VWF: variants seen among roughly 807,000 people sequenced by gnomAD.
VWF encodes the protein Factor VIII related antigen.
Under a neutral mutation model 308.6 loss-of-function variants are expected in VWF, and 176 were observed. The observed-to-expected ratio is 0.57, with a 90% CI of 0.50 to 0.65. VWF has a LOEUF of 0.65. VWF is among the 30% of genes least tolerant of loss of function. The pLI is 0.00. For missense variants in VWF, 3,146 were observed against 3,648.2 expected, an observed-to-expected ratio of 0.86 and a Z score of 3.55; for synonymous variants, 1,385 against 1,443.4, an observed-to-expected ratio of 0.96 and a Z score of 0.92.
chr12:6,115,461 C>A (rs989268972), intron 3 of VWF, among the ~76,000 whole-genome samples: 1 of 152,156 alleles, frequency 6.6e-6, no homozygotes, highest in Non-Finnish European at 1.5e-5. Context: ...AGTAAAAACA[C>A]AACTTTATGA....
Position 6,057,989 on chromosome 12 carries a change from T to G in VWF, c.1589A>C (p.Asn530Thr). 1.9e-6 allele frequency: 3 copies of G among 1,613,552 alleles called. No homozygotes were observed. Among genetic ancestry groups the G allele is most frequent in the Non-Finnish European group, 2.5e-6 (3 of 1,180,016 alleles). The change falls in exon 14 of 52, where the codon AAC becomes ACC. Residue 530 changes from asparagine (N) to threonine (T), a missense_variant. This residue lies in a region of VWF where 1,304 missense variants were observed against 1,353.0 expected (regional missense o/e 0.96). Transcript: ENST00000261405. The stretch of plus-strand genomic sequence containing the variant: ...GGGGGTAAGGAAGTCGTCGCCCTGG[T>G]TGCCATTGTAATTCCCACACAGGCC... ...TCGLCGNYNG[N>T]QGDDFLTPSG...
At chr12:5,981,673 T>A in intron 42 of VWF, 113 bp downstream of exon 42, 1 of 1,220,266 alleles carries the variant, frequency 8.2e-7, no homozygotes. Context: ...GCTTAGCAAA[T>A]ATTGGATGGG....
At chr12:6,107,293 G>A (rs1038866530) in intron 5 of VWF, among the ~76,000 whole-genome samples, 1 of 152,220 alleles carries the variant, frequency 6.6e-6, no homozygotes, top group Non-Finnish European at 1.5e-5. Flanking sequence ...AAGGAGCATG[G>A]TGATTTTGAG....
At chr12:5,965,382 T>C (rs575527608) in intron 47 of VWF, among the ~76,000 whole-genome samples, 1 of 152,312 alleles carries the variant, frequency 6.6e-6, no homozygotes, top group South Asian at 2.1e-4. Context: ...CCCCGGCTTC[T>C]GGCTGCCGGT....
At chr12:6,071,122 G>T (rs1944774894) in intron 10 of VWF, among the ~76,000 whole-genome samples, 175 bp downstream of exon 10, 1 of 152,106 alleles carries the variant, frequency 6.6e-6, no homozygotes, top group Admixed American at 6.5e-5. Flanking sequence ...CCTGTGAATG[G>T]GTTAGCATAG....
chr12:6,079,663 C>CTCG (rs1017613055), intron 6 of VWF, among the ~76,000 whole-genome samples: 9 of 151,890 alleles, frequency 5.9e-5, no homozygotes, highest in African/African-American at 1.9e-4. Flanking sequence ...TACTCTCAGG[C>CTCG]TCGTGGCAGA....
chr12:6,116,126 T>C lies in VWF; in HGVS notation c.220+5048A>G, dbSNP rs189442150. 9.7e-4 allele frequency among the ~76,000 whole-genome samples: 147 copies of C among 152,292 alleles called. No homozygotes were observed. The South Asian group carries it at 0.013, about 14-fold the overall frequency. Reference sequence around the variant, plus strand: ...AAAACGAGCCATTAGAAATCGCCGGTGAGCCCAGGAGAGACCCCTGCACTC... The same window carrying C: ...AAAACGAGCCATTAGAAATCGCCGGCGAGCCCAGGAGAGACCCCTGCACTC... On this transcript the variant is annotated intron_variant, in intron 3 of 51. Coordinates refer to ENST00000261405, the MANE Select transcript of VWF (RefSeq NM_000552.5).
chr12:5,983,476 G>GCTAGATAC lies in VWF; in HGVS notation c.6977-223_6977-222insGTATCTAG, dbSNP rs1943633502. Among the ~76,000 whole-genome samples the GCTAGATAC allele has an allele frequency of 4.1e-5, 3 of 73,372 alleles. No individual in the cohort carries two copies. In the South Asian group the frequency reaches 1.3e-3, roughly 31 times the overall value. 48.1% of individuals were successfully genotyped at this position (73,372 alleles called of 152,430 possible). ...ATGAGATAGATTTGATAGATAGATA[G>GCTAGATAC]ATACATACATACATACATACATACA... On this transcript the variant is annotated intron_variant, in intron 40 of 51. Coordinates refer to ENST00000261405, the MANE Select transcript of VWF (RefSeq NM_000552.5).
chr12:6,075,385 C>T lies in VWF; in HGVS notation c.824G>A (p.Cys275Tyr). The T allele has an allele frequency of 6.2e-7, 1 of 1,614,122 alleles. No homozygotes were observed. Among genetic ancestry groups the T allele is most frequent in the Non-Finnish European group, 8.5e-7 (1 of 1,180,020 alleles). Residue 275 changes from cysteine to tyrosine, a missense_variant, in exon 7 of 52, where the codon TGT becomes TAT. Around this residue, in one of 3 missense-constraint regions of VWF, gnomAD observed 1,304 missense variants for 1,353.0 expected, o/e 0.96. Coordinates refer to ENST00000261405, the MANE Select transcript of VWF (RefSeq NM_000552.5). The surrounding 1 kb of genome is among the most constrained non-coding windows in gnomAD (Gnocchi z 4.7). ...CPALLEYARTCAQEGMVLYGW... is the reference protein window; with the variant it reads ...CPALLEYARTYAQEGMVLYGW... Reference sequence around the variant, plus strand: ...GTACAGCACCATTCCCTCCTGGGCACAGGTCCGGGCGTACTCCAGGAGGGC... The same window carrying T: ...GTACAGCACCATTCCCTCCTGGGCATAGGTCCGGGCGTACTCCAGGAGGGC...
chr12:5,994,459 T>C lies in VWF; in HGVS notation c.6212A>G (p.Gln2071Arg). 1.2e-6 allele frequency: 2 copies of C among 1,614,198 alleles called. No homozygotes were observed. The highest frequency in any genetic ancestry group is 4.5e-5 in the East Asian group (2 of 44,876). ...FTPQNNEFQL[Q>R]LSPKTFASKT... ...TGAAGCAAAAGTCTTGGGGCTGAGC[T>C]GCAGTTGGAACTCATTGTTTTGTGG... is the stretch of plus-strand genomic sequence containing the variant. Residue 2071 changes from glutamine to arginine, a missense_variant, in exon 36 of 52, where the codon CAG (glutamine) becomes CGG (arginine). By Grantham distance (43) the Gln-to-Arg change is conservative (BLOSUM62 1). Around this residue, in one of 3 missense-constraint regions of VWF, gnomAD observed 989 missense variants for 1,117.4 expected, o/e 0.89. Coordinates refer to ENST00000261405, the MANE Select transcript of VWF (RefSeq NM_000552.5).
chr12:5,984,991 G>A (rs1943661152), intron 40 of VWF, 54 bp downstream of exon 40: 3 of 1,580,608 alleles, frequency 1.9e-6, no homozygotes, highest in Non-Finnish European at 8.7e-7. Flanking sequence ...TCAACGTGGT[G>A]CCCCCTGGGG....
chr12:6,031,553 G>T lies in VWF; in HGVS notation c.2711C>A (p.Thr904Asn), dbSNP rs1591871850. The T allele has an allele frequency of 6.2e-7, 1 of 1,614,072 alleles. No homozygotes were observed. The highest frequency in any genetic ancestry group is 2.2e-5 in the East Asian group (1 of 44,862). ...CTTATTCCCCACTAGGATCCGAAAG[G>T]TCCCAGGGTTACTGCCGCAGTAATC... ...VQDYCGSNPG[T>N]FRILVGNKGC... The change falls in exon 21 of 52, where the codon ACC becomes AAC. Residue 904 changes from threonine (T) to asparagine (N), a missense_variant. Coordinates refer to ENST00000261405, the MANE Select transcript of VWF (RefSeq NM_000552.5).
intron 42 of VWF, among the ~76,000 whole-genome samples, chr12:5,978,848 G>C (rs1943561210): frequency 6.6e-6 from 1 of 152,148 alleles, no homozygotes; most frequent in Non-Finnish European, 1.5e-5. Flanking sequence ...AAAAGGTAGG[G>C]GGACTTTTGT....
chr12:6,115,779 C>A (rs1000122141), intron 3 of VWF, among the ~76,000 whole-genome samples: 1 of 152,134 alleles, frequency 6.6e-6, no homozygotes, highest in African/African-American at 2.4e-5. Context: ...TGGTCTCTAC[C>A]CACTAGATGC....
At chr12:6,055,661 A>G (rs1565846203) in intron 15 of VWF, among the ~76,000 whole-genome samples, 1 of 152,040 alleles carries the variant, frequency 6.6e-6, no homozygotes, top group Non-Finnish European at 1.5e-5. Flanking sequence ...TAGGGTCCCC[A>G]TGCCTACACT....
intron 44 of VWF, 29 bp from the exon 45 acceptor site, chr12:5,969,420 G>C: frequency 6.2e-7 from 1 of 1,613,934 alleles, no homozygotes; most frequent in South Asian, 1.1e-5. Context: ...AGTCCAACAA[G>C]CTGGGGCAGG....
At chr12:5,987,679 A>G (rs891497316) in intron 38 of VWF, among the ~76,000 whole-genome samples, 1 of 152,278 alleles carries the variant, frequency 6.6e-6, no homozygotes, top group African/African-American at 2.4e-5. Flanking sequence ...GAAAACTATC[A>G]AAACAGACAG....
Position 5,989,140 on chromosome 12 carries a change from C to A in VWF, c.6798+2679G>T, listed in dbSNP as rs941083732. Among the ~76,000 whole-genome samples the A allele has an allele frequency of 7.2e-5, 11 of 152,138 alleles. No homozygotes were observed. The East Asian group carries it at 1.7e-3, about 24-fold the overall frequency. ...AAACTTGTGCCTGTCACTACAGCAC[C>A]CACCACCACCAGCAGCTCCACTGAG... On this transcript the variant is annotated intron_variant, in intron 38 of 51. Transcript: ENST00000261405.
At chr12:6,107,536 A>C (rs1945256597) in intron 5 of VWF, among the ~76,000 whole-genome samples, 1 of 152,232 alleles carries the variant, frequency 6.6e-6, no homozygotes, top group African/African-American at 2.4e-5. Flanking sequence ...TACATCAAAC[A>C]AACACTAACC....
Sources: allele counts gnomAD v4.1 joint callset (sites outside exome capture counted in the v4.1 genomes callset), GRCh38; gene constraint gnomAD v4.1.1; regional missense constraint gnomAD v4.1.1; non-coding constraint Gnocchi (gnomAD v3.1); transcripts MANE v1.5; gene names NCBI Gene and HGNC (gene_info 2026-07-23, HGNC 2026-07-21).